The following PRDM16 variants were observed in gnomAD, a reference collection of about 807,000 sequenced individuals.
PRDM16 encodes histone-lysine N-methyltransferase PRDM16.
Under a neutral mutation model 110.6 loss-of-function variants are expected in PRDM16, and 23 were observed. That is an observed-to-expected ratio of 0.21 (90% CI 0.15 to 0.29). The LOEUF (loss-of-function observed/expected upper bound fraction) is 0.29, where lower values mean the gene tolerates loss of function less well. Among genes scored for constraint, PRDM16 ranks in the 10% least tolerant of loss-of-function variants. The pLI is 1.00. For synonymous variants in PRDM16, 799 were observed against 781.8 expected, an observed-to-expected ratio of 1.02 and a Z score of -0.37; for missense variants, 1,615 against 1,794.3, an observed-to-expected ratio of 0.90 and a Z score of 1.81.
At chr1:3,094,920 C>A (rs1642360560) in intron 1 of PRDM16, among the ~76,000 whole-genome samples, 1 of 152,212 alleles carries the variant, frequency 6.6e-6, no homozygotes. Context: ...TGGATGGAGC[C>A]ACACAGCCCG....
chr1:3,130,888 A>G (rs2788087), intron 1 of PRDM16, among the ~76,000 whole-genome samples: 80,420 of 151,546 alleles, frequency 0.53, 24,462 homozygotes, highest in African/African-American at 0.84. Context: ...CTCTATGCTC[A>G]GGGCTAGAAC....
intron 3 of PRDM16, chr1:3,309,376 C>T (rs2500278): frequency 0.49 from 74,301 of 152,118 alleles, 19,009 homozygotes; most frequent in Non-Finnish European, 0.56. Flanking sequence ...TCCCGGGATG[C>T]GAGACCTGAG....
chr1:3,250,044 G>A (rs143687662), intron 3 of PRDM16, among the ~76,000 whole-genome samples: 294 of 152,292 alleles, frequency 1.9e-3, no homozygotes, highest in African/African-American at 6.6e-3. Flanking sequence ...GCGCTGGGCC[G>A]TGGCCCTGGG....
chr1:3,409,851 TGTGTGTGGTGTTTGTGTGC>T (rs1569721062), intron 8 of PRDM16, among the ~76,000 whole-genome samples: 98 of 120,436 alleles, frequency 8.1e-4, no homozygotes, highest in African/African-American at 1.2e-3. Flanking sequence ...GGTGTGGGTG[TGTGTGTGGTGTTTGTGTGC>T]ATGTGTGTGG....
chr1:3,212,074 C>T (rs1427576177), intron 2 of PRDM16, among the ~76,000 whole-genome samples: 3 of 152,164 alleles, frequency 2.0e-5, no homozygotes, highest in South Asian at 2.1e-4. Flanking sequence ...ACAAGGCTCC[C>T]GGGGACCCTG....
intron 1 of PRDM16, among the ~76,000 whole-genome samples, chr1:3,161,899 A>T (rs1033294900): frequency 1.3e-5 from 2 of 152,178 alleles, no homozygotes; most frequent in Non-Finnish European, 2.9e-5. Flanking sequence ...GTTTAACAAA[A>T]ACAGTGGAGA....
At chr1:3,215,690 G>A (rs1001901935) in intron 2 of PRDM16, among the ~76,000 whole-genome samples, 3 of 152,136 alleles carry the variant, frequency 2.0e-5, no homozygotes, top group Admixed American at 2.0e-4. Context: ...TTTCCCACTG[G>A]GCGTGGAGGG....
chr1:3,261,310 G>A (rs1183609512), intron 3 of PRDM16, among the ~76,000 whole-genome samples: 1 of 152,110 alleles, frequency 6.6e-6, no homozygotes, highest in African/African-American at 2.4e-5. Flanking sequence ...TTTGAAAAAT[G>A]AGGTAGTCGG....
intron 14 of PRDM16, among the ~76,000 whole-genome samples, chr1:3,429,226 C>T (rs1221729559): frequency 6.6e-6 from 1 of 152,270 alleles, no homozygotes; most frequent in Non-Finnish European, 1.5e-5. Flanking sequence ...GCTTCAGGCC[C>T]CCATTCTGTG....
chr1:3,070,090 A>C (rs1049238160), intron 1 of PRDM16, among the ~76,000 whole-genome samples: 1 of 150,174 alleles, frequency 6.7e-6, no homozygotes, highest in Non-Finnish European at 1.5e-5. Context: ...CCACCCGGCC[A>C]CCTCCCGACC....
chr1:3,361,804 A>C (rs1447744975), intron 3 of PRDM16, among the ~76,000 whole-genome samples: 1 of 149,148 alleles, frequency 6.7e-6, no homozygotes, highest in South Asian at 2.3e-4. Context: ...ACTGCGGTCC[A>C]GGAGGGCAGG....
chr1:3,202,747 AGAG>A (rs1284751952), intron 2 of PRDM16, among the ~76,000 whole-genome samples: 26 of 152,196 alleles, frequency 1.7e-4, no homozygotes, highest in East Asian at 1.9e-4. Context: ...CACCACAGAA[AGAG>A]GAGGACGGCT....
intron 3 of PRDM16, among the ~76,000 whole-genome samples, chr1:3,303,476 A>T (rs1453999612): frequency 1.3e-5 from 2 of 152,080 alleles, no homozygotes; most frequent in African/African-American, 4.8e-5. Context: ...ATGTCCACTA[A>T]TGGACATTTG....
In PRDM16 at chr1:3,201,214, C is replaced by T. The variant is rs1334232688; in HGVS notation, c.387+14740C>T. Reference sequence around the variant, plus strand: ...CTGCATTTTGATAAAAGCCTTCAAACTCCATTCATATGATCATAGGAGCTG... The same window carrying T: ...CTGCATTTTGATAAAAGCCTTCAAATTCCATTCATATGATCATAGGAGCTG... On this transcript the variant is annotated intron_variant, in intron 2 of 16. Transcript: ENST00000270722. The surrounding 1 kb of genome is among the most constrained non-coding windows in gnomAD (Gnocchi z 4.1). Among the ~76,000 whole-genome samples the T allele has an allele frequency of 2.6e-5, 4 of 152,348 alleles. No individual in the cohort carries two copies. The South Asian group carries it at 6.2e-4, about 24-fold the overall frequency.
At chr1:3,153,858 C>T (rs142891309) in intron 1 of PRDM16, among the ~76,000 whole-genome samples, 219 of 152,340 alleles carry the variant, frequency 1.4e-3, no homozygotes, top group African/African-American at 4.7e-3. Flanking sequence ...ATATTAATAA[C>T]ATGCAGCACT....
At chr1:3,133,604 G>A (rs1274656097) in intron 1 of PRDM16, 2 of 152,280 alleles carry the variant, frequency 1.3e-5, no homozygotes, top group African/African-American at 4.8e-5. Context: ...CCGTGCCATT[G>A]CTTGCAGTCC....
intron 7 of PRDM16, 84 bp downstream of exon 7, chr1:3,404,970 C>G (rs1200197112): frequency 1.4e-6 from 2 of 1,473,330 alleles, no homozygotes; most frequent in African/African-American, 2.8e-5. Flanking sequence ...CCTACACCCC[C>G]TGGTCCAAAT....
intron 3 of PRDM16, among the ~76,000 whole-genome samples, chr1:3,340,113 G>A (rs1642242190): frequency 6.6e-6 from 1 of 152,206 alleles, no homozygotes; most frequent in Admixed American, 6.5e-5. Context: ...AGCTTCATGG[G>A]TAAAGTGTGA....
intron 3 of PRDM16, among the ~76,000 whole-genome samples, chr1:3,365,352 C>G (rs1408641344): frequency 6.6e-6 from 1 of 152,208 alleles, no homozygotes; most frequent in Non-Finnish European, 1.5e-5. Context: ...GGGGCTGTCC[C>G]TGCCCCTGAG....
Sources: allele counts gnomAD v4.1 joint callset (sites outside exome capture counted in the v4.1 genomes callset), GRCh38; gene constraint gnomAD v4.1.1; non-coding constraint Gnocchi (gnomAD v3.1); transcripts MANE v1.5; gene names NCBI Gene and HGNC (gene_info 2026-07-23, HGNC 2026-07-21).